Variants in AGBL1 observed in about 807,000 individuals in gnomAD.
The protein encoded by AGBL1 is cytosolic carboxypeptidase 4.
In AGBL1, 130 loss-of-function variants were observed where a neutral mutation model predicts 118.9. The observed-to-expected ratio is 1.09, with a 90% CI of 0.95 to 1.26. AGBL1 has a LOEUF of 1.26. AGBL1 is among the 50% of genes most tolerant of loss of function. The pLI is 0.00. For synonymous variants in AGBL1, 555 were observed against 478.9 expected, an observed-to-expected ratio of 1.16 and a Z score of -2.08; for missense variants, 1,584 against 1,298.1, an observed-to-expected ratio of 1.22 and a Z score of -3.38.
chr15:86,771,668 T>A (rs1359430033), intron 22 of AGBL1, among the ~76,000 whole-genome samples: 1 of 152,030 alleles, frequency 6.6e-6, no homozygotes, highest in Non-Finnish European at 1.5e-5. Flanking sequence ...CTTGCGTAAG[T>A]GGTACATTGC....
intron 1 of AGBL1, among the ~76,000 whole-genome samples, chr15:86,119,558 A>G (rs1047183186): frequency 2.6e-5 from 4 of 152,150 alleles, no homozygotes; most frequent in African/African-American, 9.7e-5. Context: ...GGACCCATCA[A>G]CTGGGGCCAG....
intron 22 of AGBL1, among the ~76,000 whole-genome samples, chr15:86,753,998 A>T (rs1031935881): frequency 6.6e-6 from 1 of 152,116 alleles, no homozygotes; most frequent in Non-Finnish European, 1.5e-5. Context: ...TGCTGTGACA[A>T]TTGTTCCACA....
At chr15:86,779,917 C>T (rs954466019) in intron 22 of AGBL1, among the ~76,000 whole-genome samples, 1 of 99,346 alleles carries the variant, frequency 1.0e-5, no homozygotes, top group Non-Finnish European at 2.4e-5. Context: ...TGGACACCCC[C>T]CCAACACACA....
intron 17 of AGBL1, among the ~76,000 whole-genome samples, chr15:86,373,047 A>G (rs918173179): frequency 1.3e-5 from 2 of 152,174 alleles, no homozygotes; most frequent in African/African-American, 4.8e-5. Flanking sequence ...ACGTAATGAA[A>G]TGGTCAAAGC....
At chr15:86,893,183 A>T (rs1454897767) in intron 22 of AGBL1, among the ~76,000 whole-genome samples, 1 of 152,104 alleles carries the variant, frequency 6.6e-6, no homozygotes, top group Non-Finnish European at 1.5e-5. Context: ...CTTTTTCAGG[A>T]GGGAGATGGG....
chr15:86,847,525 T>A (rs1465395355), intron 22 of AGBL1, among the ~76,000 whole-genome samples: 2 of 152,180 alleles, frequency 1.3e-5, no homozygotes, highest in Non-Finnish European at 2.9e-5. Context: ...TTTTGAAAAT[T>A]TTTGTTTTTG....
chr15:86,906,150 C>T lies in AGBL1; in HGVS notation c.3159-937C>T, dbSNP rs76333519. On this transcript the variant is annotated intron_variant, in intron 22 of 22. Coordinates refer to ENST00000614907, the MANE Select transcript of AGBL1 (RefSeq NM_001386094.1). ...TCTGCCTGATTTATGAAGTGCTTGCCTTCTATAAATCACAGAGCAGAAACC... is the reference window on the plus strand; with the variant it reads ...TCTGCCTGATTTATGAAGTGCTTGCTTTCTATAAATCACAGAGCAGAAACC... Among the ~76,000 whole-genome samples the T allele has an allele frequency of 1.1e-4, 16 of 152,302 alleles. No individual in the cohort carries two copies. The East Asian group carries it at 1.7e-3, about 17-fold the overall frequency.
At chr15:86,748,341 G>A (rs936663545) in intron 22 of AGBL1, among the ~76,000 whole-genome samples, 1 of 151,666 alleles carries the variant, frequency 6.6e-6, no homozygotes, top group Non-Finnish European at 1.5e-5. Flanking sequence ...TTTTTTTCTT[G>A]TAAATTTGTT....
intron 21 of AGBL1, among the ~76,000 whole-genome samples, chr15:86,572,912 C>T (rs575334351): frequency 1.3e-4 from 20 of 152,344 alleles, no homozygotes; most frequent in African/African-American, 4.6e-4. Context: ...CTTCAACATT[C>T]TTCACCATTT....
rs77155737 is a variant in AGBL1 at position 86,726,046 on chromosome 15, G to A, written c.3158+51610G>A. On this transcript the variant is annotated intron_variant, in intron 22 of 22. Coordinates refer to ENST00000614907, the MANE Select transcript of AGBL1 (RefSeq NM_001386094.1). ...CAATGAAGCCAATGAACAGATAAATGTGAGAAATCATCTAGCAATACTGTC... is the reference window on the plus strand; with the variant it reads ...CAATGAAGCCAATGAACAGATAAATATGAGAAATCATCTAGCAATACTGTC... 6.1e-3 allele frequency among the ~76,000 whole-genome samples: 925 copies of A among 152,298 alleles called. 11 individuals are homozygous for A. Among genetic ancestry groups the A allele is most frequent in the African/African-American group, 0.021 (877 of 41,558 alleles).
intron 22 of AGBL1, among the ~76,000 whole-genome samples, chr15:86,903,433 T>A (rs76638914): frequency 0.071 from 10,847 of 152,250 alleles, 390 homozygotes; most frequent in East Asian, 0.12. Context: ...TTGTTTCATG[T>A]GTGTCCATAA....
At chr15:87,009,906 A>T (rs2570116) in intron 24 of AGBL1, among the ~76,000 whole-genome samples, 98,538 of 152,136 alleles carry the variant, frequency 0.65, 32,564 homozygotes, top group South Asian at 0.76. Context: ...CTATTTTATC[A>T]AGGAAGTAAC....
chr15:86,560,036 A>G (rs915257094), intron 21 of AGBL1, among the ~76,000 whole-genome samples: 8 of 152,134 alleles, frequency 5.3e-5, no homozygotes, highest in Admixed American at 1.3e-4. Flanking sequence ...ATGTTGACCA[A>G]GTTTTTTGCT....
Position 86,271,121 on chromosome 15 carries a change from G to A in AGBL1, c.1988-498G>A, listed in dbSNP as rs183197329. On this transcript the variant is annotated intron_variant, in intron 14 of 22. Transcript: ENST00000614907. Reference sequence around the variant, plus strand: ...GCTGGAGTGCAGTGGTGTGATCTCCGCTCACTGCAACCTCCGCCTCCCGGG... The same window carrying A: ...GCTGGAGTGCAGTGGTGTGATCTCCACTCACTGCAACCTCCGCCTCCCGGG... 1.1e-3 allele frequency among the ~76,000 whole-genome samples: 146 copies of A among 128,882 alleles called. No individual in the cohort carries two copies. In the East Asian group the frequency reaches 0.021, roughly 18 times the overall value. The allele number at this position is 128,882 out of a possible 152,430, so 84.6% of individuals were successfully genotyped here. A position where few individuals can be genotyped will look rare whatever the true frequency, so the allele number is the denominator to read the frequency against.
At chr15:86,850,121 C>T (rs1486250162) in intron 22 of AGBL1, among the ~76,000 whole-genome samples, 2 of 152,122 alleles carry the variant, frequency 1.3e-5, no homozygotes, top group African/African-American at 2.4e-5. Context: ...GATAAGAGAA[C>T]TCTGTTCAGC....
intron 21 of AGBL1, among the ~76,000 whole-genome samples, chr15:86,622,480 G>T (rs1054413514): frequency 1.3e-5 from 2 of 151,954 alleles, no homozygotes; most frequent in South Asian, 2.1e-4. Flanking sequence ...ATATAAAATC[G>T]ACAATAACAC....
In AGBL1 at chr15:86,410,834, A is replaced by AAATAATATACTAT. The variant is rs1567242805; in HGVS notation, c.2555+13288_2555+13289insAATAATATACTAT. On this transcript the variant is annotated intron_variant, in intron 18 of 22. Coordinates refer to ENST00000614907, the MANE Select transcript of AGBL1 (RefSeq NM_001386094.1). ...TATATATATATATATATATATATAT[A>AAATAATATACTAT]TATATATAATATACTATTTTATATA... 1.3e-4 allele frequency among the ~76,000 whole-genome samples: 14 copies of AAATAATATACTAT among 106,134 alleles called. 2 individuals carry two copies. Among genetic ancestry groups the AAATAATATACTAT allele is most frequent in the Non-Finnish European group, 2.2e-4 (12 of 55,750 alleles). 69.6% of individuals were successfully genotyped at this position (106,134 alleles called of 152,430 possible).
At chr15:86,205,470 A>C (rs1228714512) in intron 5 of AGBL1, among the ~76,000 whole-genome samples, 1 of 152,156 alleles carries the variant, frequency 6.6e-6, no homozygotes, top group African/African-American at 2.4e-5. Context: ...GGTAAATACG[A>C]AGGAGCACAA....
At chr15:86,990,927 G>A (rs2081331201) in intron 24 of AGBL1, among the ~76,000 whole-genome samples, 1 of 152,128 alleles carries the variant, frequency 6.6e-6, no homozygotes, top group South Asian at 2.1e-4. Flanking sequence ...TGATTCTAGG[G>A]TATGTTTCTT....
Sources: gnomAD v4.1 joint callset for allele counts (sites outside exome capture counted in the v4.1 genomes callset) on GRCh38, gnomAD v4.1.1 for gene constraint, MANE v1.5 for transcripts, NCBI Gene and HGNC (gene_info 2026-07-23, HGNC 2026-07-21) for gene names.